UBE2E2: variants seen among roughly 807,000 people sequenced by gnomAD.
UBE2E2 encodes the protein ubiquitin-conjugating enzyme E2 E2.
A neutral mutation model predicts 24.7 loss-of-function variants in UBE2E2; 6 were observed. The ratio of observed to expected loss-of-function variants is 0.24; its 90% confidence interval spans 0.13 to 0.48. The LOEUF (loss-of-function observed/expected upper bound fraction) is 0.48. UBE2E2 is among the 20% of genes least tolerant of loss of function. The probability of loss-of-function intolerance (pLI) is 0.99; values close to 1 mark genes in which losing one functional copy is unlikely to be tolerated. For synonymous variants in UBE2E2, 104 were observed against 83.6 expected, an observed-to-expected ratio of 1.24 and a Z score of -1.33; for missense variants, 169 against 245.0, an observed-to-expected ratio of 0.69 and a Z score of 2.07.
At chr3:23,386,397 C>G (rs1198204891) in intron 3 of UBE2E2, among the ~76,000 whole-genome samples, 1 of 152,146 alleles carries the variant, frequency 6.6e-6, no homozygotes, top group Non-Finnish European at 1.5e-5. Flanking sequence ...CGAATGCAAT[C>G]AGGTTGGGGG....
chr3:23,471,650 C>A (rs1177453176), intron 3 of UBE2E2, among the ~76,000 whole-genome samples: 1 of 152,042 alleles, frequency 6.6e-6, no homozygotes, highest in Non-Finnish European at 1.5e-5. Context: ...GCAGTCTGGG[C>A]CTTAAAAACT....
chr3:23,260,984 T>A (rs1697885678), intron 3 of UBE2E2, among the ~76,000 whole-genome samples: 1 of 152,112 alleles, frequency 6.6e-6, no homozygotes, highest in African/African-American at 2.4e-5. Context: ...GTGCCTGTAG[T>A]CTCAGCTACC....
chr3:23,214,470 C>T (rs1466531566), intron 2 of UBE2E2, among the ~76,000 whole-genome samples: 3 of 151,800 alleles, frequency 2.0e-5, no homozygotes, highest in Non-Finnish European at 2.9e-5. Context: ...AGGTTGGTCT[C>T]GAATTTCTGG....
intron 3 of UBE2E2, among the ~76,000 whole-genome samples, chr3:23,259,829 C>G (rs1290638854): frequency 6.6e-6 from 1 of 152,154 alleles, no homozygotes; most frequent in African/African-American, 2.4e-5. Context: ...AAGTGAAATT[C>G]ACCAGCTTTG....
intron 3 of UBE2E2, among the ~76,000 whole-genome samples, chr3:23,358,718 A>G (rs1696034231): frequency 6.6e-6 from 1 of 152,254 alleles, no homozygotes; most frequent in Non-Finnish European, 1.5e-5. Flanking sequence ...CAGAACTGAA[A>G]TTAAGTATTT....
intron 3 of UBE2E2, among the ~76,000 whole-genome samples, chr3:23,256,354 G>C (rs184628550): frequency 6.6e-6 from 1 of 152,198 alleles, no homozygotes; most frequent in East Asian, 1.9e-4. Context: ...TGTCATATTT[G>C]AATACTTGGG....
intron 3 of UBE2E2, among the ~76,000 whole-genome samples, chr3:23,465,966 G>T (rs531669980): frequency 6.6e-6 from 1 of 152,082 alleles, no homozygotes; most frequent in African/African-American, 2.4e-5. Context: ...TTAGAGTTGG[G>T]TAGCTTCCCC....
intron 3 of UBE2E2, among the ~76,000 whole-genome samples, chr3:23,331,490 T>C (rs565031400): frequency 1.4e-5 from 2 of 148,014 alleles, no homozygotes; most frequent in East Asian, 4.0e-4. Flanking sequence ...GAGATAGCTG[T>C]CAATGGATGG....
In UBE2E2 at chr3:23,320,031, AC is replaced by A. The variant is rs1280873466; in HGVS notation, c.227+102722del. On this transcript the variant is annotated intron_variant, in intron 3 of 5. Transcript: ENST00000396703. The stretch of plus-strand genomic sequence containing the variant: ...CTTTCAAGAAGGAGACTTGTCACAC[AC>A]CCACTGCAGCCACCATATGTGAAAG... 2.0e-5 allele frequency among the ~76,000 whole-genome samples: 3 copies of A among 152,120 alleles called. No individual in the cohort carries two copies. In the East Asian group the frequency reaches 5.8e-4, roughly 29 times the overall value.
chr3:23,366,309 G>C (rs953606769), intron 3 of UBE2E2, among the ~76,000 whole-genome samples: 2 of 152,132 alleles, frequency 1.3e-5, no homozygotes, highest in South Asian at 4.1e-4. Context: ...TCCCTTTATT[G>C]GGTATATACC....
intron 3 of UBE2E2, among the ~76,000 whole-genome samples, chr3:23,321,049 G>A (rs983958958): frequency 4.6e-5 from 7 of 152,204 alleles, no homozygotes; most frequent in African/African-American, 7.2e-5. Context: ...GCCAGCAGCC[G>A]TTGGCCATTC....
intron 3 of UBE2E2, among the ~76,000 whole-genome samples, chr3:23,244,972 A>G (rs1697356533): frequency 6.6e-6 from 1 of 152,174 alleles, no homozygotes; most frequent in East Asian, 1.9e-4. Flanking sequence ...CAGCTGATTT[A>G]GAGCTTTGTT....
intron 3 of UBE2E2, among the ~76,000 whole-genome samples, chr3:23,437,054 A>G (rs1454344317): frequency 2.0e-5 from 3 of 152,250 alleles, no homozygotes; most frequent in African/African-American, 7.2e-5. Flanking sequence ...CCAGGCCCAC[A>G]GGCCATACGT....
intron 3 of UBE2E2, among the ~76,000 whole-genome samples, chr3:23,469,794 C>T (rs1698996237): frequency 6.6e-6 from 1 of 152,218 alleles, no homozygotes; most frequent in Non-Finnish European, 1.5e-5. Flanking sequence ...AGAATGTAAT[C>T]TATTGCCAAT....
intron 3 of UBE2E2, among the ~76,000 whole-genome samples, chr3:23,493,783 A>G (rs1373102596): frequency 6.6e-6 from 1 of 152,172 alleles, no homozygotes; most frequent in Non-Finnish European, 1.5e-5. Flanking sequence ...TTTGATGTAC[A>G]CATCTTTGTA....
chr3:23,517,953 A>G (rs1694780962), intron 4 of UBE2E2, among the ~76,000 whole-genome samples: 1 of 152,216 alleles, frequency 6.6e-6, no homozygotes, highest in Non-Finnish European at 1.5e-5. Flanking sequence ...GGAAGCAGGA[A>G]TAAAACATTA....
At chr3:23,315,088 A>T (rs570820683) in intron 3 of UBE2E2, among the ~76,000 whole-genome samples, 2 of 152,180 alleles carry the variant, frequency 1.3e-5, no homozygotes, top group South Asian at 4.2e-4. Flanking sequence ...AGTAACTCTT[A>T]GGTTTGCCCT....
At chr3:23,456,875 TCTC>T (rs1208382371) in intron 3 of UBE2E2, among the ~76,000 whole-genome samples, 3 of 152,288 alleles carry the variant, frequency 2.0e-5, no homozygotes, top group South Asian at 4.1e-4. Flanking sequence ...GGAGCTGACT[TCTC>T]CTCTCTAGCT....
chr3:23,543,266 A>G (rs1012941304), intron 5 of UBE2E2, among the ~76,000 whole-genome samples: 5 of 152,216 alleles, frequency 3.3e-5, no homozygotes, highest in South Asian at 2.1e-4. Context: ...GAGGAAGTCA[A>G]ATTATCTCTG....
Sources: gnomAD v4.1 joint callset for allele counts (sites outside exome capture counted in the v4.1 genomes callset) on GRCh38, gnomAD v4.1.1 for gene constraint, MANE v1.5 for transcripts, NCBI Gene and HGNC (gene_info 2026-07-23, HGNC 2026-07-21) for gene names.